SYT10: variants seen among roughly 807,000 people sequenced by gnomAD.
SYT10 encodes synaptotagmin 10, also known as synaptotagmin-10.
SYT10 carries 31 observed loss-of-function variants against 51.1 expected under a neutral mutation model. The observed-to-expected ratio is 0.61, with a 90% CI of 0.46 to 0.82. SYT10 has a LOEUF of 0.82. SYT10 is among the 40% of genes least tolerant of loss of function. The pLI, the probability that SYT10 is intolerant of heterozygous loss-of-function variation, is 0.00. For missense variants in SYT10, 603 were observed against 634.0 expected (o/e 0.95, Z 0.53); for synonymous variants, 233 against 225.9 (o/e 1.03, Z -0.28).
intron 3 of SYT10, among the ~76,000 whole-genome samples, chr12:33,401,290 GA>G (rs1866302131): frequency 6.6e-6 from 1 of 152,004 alleles, no homozygotes; most frequent in Non-Finnish European, 1.5e-5. Flanking sequence ...TTACATTTCA[GA>G]AATAGCAGCA....
Position 33,418,408 on chromosome 12 carries a change from T to C in SYT10, c.509+7730A>G, listed in dbSNP as rs144382323. On this transcript the variant is annotated intron_variant, in intron 2 of 6. Coordinates refer to ENST00000228567, the MANE Select transcript of SYT10 (RefSeq NM_198992.4). ...TATTTGATGATATCATCTCCTCGCT[T>C]AGGACATAATCTACATGCTGAGGAT... Among the ~76,000 whole-genome samples the C allele has an allele frequency of 3.7e-3, 568 of 152,286 alleles. 4 individuals carry two copies. The highest frequency in any genetic ancestry group is 0.013 in the African/African-American group (548 of 41,560).
At chr12:33,386,383 C>T (rs574426228) in intron 3 of SYT10, among the ~76,000 whole-genome samples, 36 of 152,154 alleles carry the variant, frequency 2.4e-4, no homozygotes, top group African/African-American at 8.2e-4. Flanking sequence ...CATTCCTTTC[C>T]CCTCCAAGGT....
chr12:33,398,236 G>C (rs1162769725), intron 3 of SYT10, among the ~76,000 whole-genome samples: 1 of 152,024 alleles, frequency 6.6e-6, no homozygotes, highest in Non-Finnish European at 1.5e-5. Context: ...GTATCAGGCC[G>C]GGCGCGGTGG....
chr12:33,409,593 G>A (rs1225885394), intron 2 of SYT10, among the ~76,000 whole-genome samples: 6 of 150,956 alleles, frequency 4.0e-5, no homozygotes, highest in African/African-American at 7.3e-5. Flanking sequence ...GGCTCACTGC[G>A]AGCTCCGCCT....
intron 2 of SYT10, among the ~76,000 whole-genome samples, chr12:33,423,633 T>C (rs986717303): frequency 2.6e-5 from 4 of 152,190 alleles, no homozygotes; most frequent in African/African-American, 4.8e-5. Context: ...TCATTCATGA[T>C]ATTCATATAC....
chr12:33,384,591 A>G (rs979609349), intron 4 of SYT10, among the ~76,000 whole-genome samples: 1 of 152,230 alleles, frequency 6.6e-6, no homozygotes, highest in Non-Finnish European at 1.5e-5. Flanking sequence ...AAGAAGCATG[A>G]TGTATCTTTA....
At chr12:33,379,065 T>A (rs1036738084) in intron 6 of SYT10, among the ~76,000 whole-genome samples, 4 of 152,136 alleles carry the variant, frequency 2.6e-5, no homozygotes, top group Non-Finnish European at 4.4e-5. Context: ...TAAACTGAGA[T>A]TAGAACCTCG....
At chr12:33,398,105 A>G (rs1462856874) in intron 3 of SYT10, among the ~76,000 whole-genome samples, 1 of 152,188 alleles carries the variant, frequency 6.6e-6, no homozygotes, top group Non-Finnish European at 1.5e-5. Context: ...AGAAATGAAG[A>G]TGCCAAAATC....
At chr12:33,377,169 T>A (rs1866070260) in intron 6 of SYT10, among the ~76,000 whole-genome samples, 1 of 152,090 alleles carries the variant, frequency 6.6e-6, no homozygotes, top group Non-Finnish European at 1.5e-5. Context: ...CAGAATAATT[T>A]CAAATTTTAC....
chr12:33,439,646 C>A lies in SYT10; in HGVS notation c.-124G>T. ...CCGCGGTGACTTTGGCTGGAGATTG[C>A]GCCGCTGAGAGCCGGCAACTCTTAG... On this transcript the variant is annotated 5_prime_UTR_variant, in exon 1 of 7. Transcript: ENST00000228567. 8.1e-7 allele frequency: 1 copy of A among 1,231,262 alleles called. No individual in the cohort carries two copies. Among genetic ancestry groups the A allele is most frequent in the South Asian group, 1.5e-5 (1 of 66,770 alleles). 76.3% of individuals were successfully genotyped at this position (1,231,262 alleles called of 1,614,324 possible). A position where few individuals can be genotyped will look rare whatever the true frequency, so the allele number is the denominator to read the frequency against.
intron 3 of SYT10, among the ~76,000 whole-genome samples, chr12:33,387,782 C>A (rs556744748): frequency 7.0e-6 from 1 of 142,004 alleles, no homozygotes; most frequent in African/African-American, 2.7e-5. Context: ...GGGACTCTCA[C>A]TCTGTCACCC....
At position 33,406,837 on chromosome 12, in the gene SYT10, A is replaced by C. The variant is rs746248442; in HGVS notation, c.1029T>G (p.Asp343Glu). 17 of 1,613,882 alleles carry C rather than the reference A, an allele frequency of 1.1e-5. No homozygotes were observed. In the Admixed American group the frequency reaches 2.0e-4, roughly 19 times the overall value. Residue 343 changes from aspartate to glutamate, a missense_variant, in exon 3 of 7, where the codon GAT (aspartate) becomes GAG (glutamate). Transcript: ENST00000228567. ...VILDNLFEVS[D>E]LSREATVWKD... ...TCCATACTGTGGCTTCCCTGGAGAGATCAGAGACTTCAAACAAATTATCAA... is the reference window on the plus strand; with the variant it reads ...TCCATACTGTGGCTTCCCTGGAGAGCTCAGAGACTTCAAACAAATTATCAA...
intron 1 of SYT10, among the ~76,000 whole-genome samples, chr12:33,428,479 A>G (rs929500479): frequency 6.6e-5 from 10 of 152,244 alleles, no homozygotes; most frequent in African/African-American, 2.4e-4. Context: ...AAGAAATGAT[A>G]GTGTAAATCA....
intron 3 of SYT10, among the ~76,000 whole-genome samples, chr12:33,387,567 G>A (rs1268422203): frequency 6.6e-6 from 1 of 152,134 alleles, no homozygotes; most frequent in Non-Finnish European, 1.5e-5. Context: ...AGTATTGCAA[G>A]ACTATTAGTA....
At chr12:33,405,654 T>C (rs1374595033) in intron 3 of SYT10, 1 of 152,044 alleles carries the variant, frequency 6.6e-6, no homozygotes, top group Non-Finnish European at 1.5e-5. Flanking sequence ...ATATTTTAAA[T>C]AATCCCTTGT....
chr12:33,378,862 TTG>T lies in SYT10; in HGVS notation c.1500+968_1500+969del, dbSNP rs140920905. 9.1e-3 allele frequency among the ~76,000 whole-genome samples: 1,308 copies of T among 143,596 alleles called. 17 individuals are homozygous for T. The highest frequency in any genetic ancestry group is 0.031 in the African/African-American group (1,221 of 39,892). The allele number at this position is 143,596 out of a possible 152,430, so 94.2% of individuals were successfully genotyped here. A position where few individuals can be genotyped will look rare whatever the true frequency, so the allele number is the denominator to read the frequency against. Reference sequence around the variant, plus strand: ...TGTGTGTGTGTGTTTGTAGATGCATTTGTGTGTGTGTGTGTCTGTCTTTTATG... The same window carrying T: ...TGTGTGTGTGTGTTTGTAGATGCATTTGTGTGTGTGTGTCTGTCTTTTATG... On this transcript the variant is annotated intron_variant, in intron 6 of 6. Transcript: ENST00000228567.
intron 3 of SYT10, among the ~76,000 whole-genome samples, chr12:33,388,755 G>A: frequency 6.6e-6 from 1 of 152,204 alleles, no homozygotes; most frequent in African/African-American, 2.4e-5. Flanking sequence ...TAGCTGGGTA[G>A]ATAAAGACCA....
At chr12:33,389,862 TACAG>T (rs1408672639) in intron 3 of SYT10, among the ~76,000 whole-genome samples, 1 of 152,158 alleles carries the variant, frequency 6.6e-6, no homozygotes, top group Non-Finnish European at 1.5e-5. Flanking sequence ...TACAACAAAA[TACAG>T]ACCCAGAGTG....
intron 3 of SYT10, among the ~76,000 whole-genome samples, chr12:33,388,704 G>A (rs1435953091): frequency 1.3e-5 from 2 of 152,166 alleles, no homozygotes; most frequent in Non-Finnish European, 1.5e-5. Context: ...CTGGCTCAGA[G>A]GTTATAAATT....
Sources: allele counts gnomAD v4.1 joint callset (sites outside exome capture counted in the v4.1 genomes callset), GRCh38; gene constraint gnomAD v4.1.1; transcripts MANE v1.5; gene names NCBI Gene and HGNC (gene_info 2026-07-23, HGNC 2026-07-21).